The following SNX4 variants were observed in gnomAD, a reference collection of about 807,000 sequenced individuals.
SNX4 encodes the protein sorting nexin-4.
In SNX4, 49 loss-of-function variants were observed where a neutral mutation model predicts 70.8. The observed-to-expected ratio is 0.69, with a 90% CI of 0.55 to 0.88. SNX4 has a LOEUF of 0.88. Among genes scored for constraint, SNX4 ranks in the 40% least tolerant of loss-of-function variants. The pLI is 0.00. For synonymous variants in SNX4, 206 were observed against 183.8 expected (o/e 1.12, Z -0.98); for missense variants, 528 against 544.8 (o/e 0.97, Z 0.31).
At chr3:125,454,935 CT>C (rs919156127) in intron 11 of SNX4, among the ~76,000 whole-genome samples, 71 of 146,214 alleles carry the variant, frequency 4.9e-4, no homozygotes, top group Non-Finnish European at 5.3e-4. Context: ...AACTGAATTT[CT>C]TTTTTTTTTT....
intron 9 of SNX4, among the ~76,000 whole-genome samples, chr3:125,466,344 CAAA>C (rs75116020): frequency 1.9e-5 from 2 of 105,778 alleles, no homozygotes; most frequent in Non-Finnish European, 4.2e-5. Flanking sequence ...TAACTATTAA[CAAA>C]AAAAAAAAAA....
chr3:125,487,521 A>G (rs958601986), intron 6 of SNX4, among the ~76,000 whole-genome samples: 2 of 152,192 alleles, frequency 1.3e-5, no homozygotes, highest in African/African-American at 4.8e-5. Context: ...TCAAAATATC[A>G]ATCAAAAACG....
intron 10 of SNX4, 53 bp from the exon 11 acceptor site, chr3:125,457,418 A>AT: frequency 7.3e-7 from 1 of 1,366,336 alleles, no homozygotes; most frequent in Non-Finnish European, 1.0e-6. Context: ...CATGTCAAAC[A>AT]TTTTTTTCAA....
intron 6 of SNX4, among the ~76,000 whole-genome samples, chr3:125,486,803 A>C (rs1157457888): frequency 6.6e-6 from 1 of 152,164 alleles, no homozygotes; most frequent in Non-Finnish European, 1.5e-5. Flanking sequence ...ATGTAGTTCC[A>C]GCTATTCTAG....
At chr3:125,481,622 T>G (rs542905167) in intron 6 of SNX4, among the ~76,000 whole-genome samples, 153 of 152,258 alleles carry the variant, frequency 1.0e-3, no homozygotes, top group Non-Finnish European at 1.5e-3. Flanking sequence ...CTCTCTTTAG[T>G]AGAGACAGGG....
intron 8 of SNX4, among the ~76,000 whole-genome samples, chr3:125,473,846 C>G (rs1934233509): frequency 6.6e-6 from 1 of 152,190 alleles, no homozygotes; most frequent in Non-Finnish European, 1.5e-5. Flanking sequence ...CCTTGAGTCT[C>G]TTGTAGACTT....
intron 10 of SNX4, among the ~76,000 whole-genome samples, chr3:125,457,844 T>C (rs908409216): frequency 2.6e-5 from 4 of 152,128 alleles, no homozygotes; most frequent in Admixed American, 2.6e-4. Context: ...CCCAAAGTAC[T>C]GGGATTACAG....
intron 12 of SNX4, among the ~76,000 whole-genome samples, chr3:125,452,287 G>T (rs1333572079): frequency 1.3e-5 from 2 of 152,122 alleles, no homozygotes; most frequent in East Asian, 3.9e-4. Context: ...GTAGAGACAA[G>T]GTTTCACCAT....
chr3:125,483,816 T>A (rs562474619), intron 6 of SNX4, among the ~76,000 whole-genome samples: 3 of 152,172 alleles, frequency 2.0e-5, no homozygotes, highest in Admixed American at 2.0e-4. Flanking sequence ...TAGATAACAA[T>A]GTATGTTTAA....
At chr3:125,515,455 T>G (rs1181074288) in intron 1 of SNX4, among the ~76,000 whole-genome samples, 2 of 150,798 alleles carry the variant, frequency 1.3e-5, no homozygotes, top group Non-Finnish European at 3.0e-5. Context: ...GGAGCCCAGA[T>G]GTTTGAGACC....
At chr3:125,503,686 C>T (rs1934980204) in intron 2 of SNX4, among the ~76,000 whole-genome samples, 1 of 152,178 alleles carries the variant, frequency 6.6e-6, no homozygotes, top group Non-Finnish European at 1.5e-5. Context: ...TTCACTTCTA[C>T]ATGCCAGAGA....
chr3:125,464,564 CTTTTTTTTTTTTTTT>C lies in SNX4; in HGVS notation c.855-3719_855-3705del, dbSNP rs778518316. On this transcript the variant is annotated intron_variant, in intron 9 of 13. Coordinates refer to ENST00000251775, the MANE Select transcript of SNX4 (RefSeq NM_003794.4). ...CTGTTCCATTGATCTATTTATCTTTCTTTTTTTTTTTTTTTTTTTTTTTTTTGAGACACAGTCTCA... is the reference window on the plus strand; with the variant it reads ...CTGTTCCATTGATCTATTTATCTTTCTTTTTTTTTTTGAGACACAGTCTCA... Among the ~76,000 whole-genome samples, 4 of 67,054 alleles carry C rather than the reference CTTTTTTTTTTTTTTT, an allele frequency of 6.0e-5. 1 individual carries two copies. Among genetic ancestry groups the C allele is most frequent in the South Asian group, 1.2e-3 (2 of 1,638 alleles). 44.0% of individuals were successfully genotyped at this position (67,054 alleles called of 152,430 possible).
At chr3:125,514,542 C>T (rs1017201904) in intron 1 of SNX4, among the ~76,000 whole-genome samples, 2 of 152,110 alleles carry the variant, frequency 1.3e-5, no homozygotes, top group African/African-American at 4.8e-5. Flanking sequence ...CAGGCATGTG[C>T]CACCATGCCT....
At chr3:125,466,076 G>A (rs1302605716) in intron 9 of SNX4, among the ~76,000 whole-genome samples, 1 of 151,556 alleles carries the variant, frequency 6.6e-6, no homozygotes, top group Non-Finnish European at 1.5e-5. Context: ...AGTTTTCACT[G>A]TAGAGGTCTT....
chr3:125,472,450 T>C (rs769985073), intron 8 of SNX4, among the ~76,000 whole-genome samples: 2 of 151,894 alleles, frequency 1.3e-5, no homozygotes, highest in African/African-American at 4.8e-5. Flanking sequence ...ATCATGGATA[T>C]TGGAAGCCAT....
chr3:125,481,849 T>A (rs2107546588), intron 6 of SNX4, among the ~76,000 whole-genome samples: 1 of 152,292 alleles, frequency 6.6e-6, no homozygotes, highest in East Asian at 1.9e-4. Flanking sequence ...ATCCACAGGA[T>A]TCACATGCTG....
rs529731056 is a variant in SNX4, at chr3:125,488,367, C to T, written c.653+1041G>A. On this transcript the variant is annotated intron_variant, in intron 6 of 13. Coordinates refer to ENST00000251775, the MANE Select transcript of SNX4 (RefSeq NM_003794.4). ...GGGGGTGCCTATAATCCTAGCTACTCGGGAGGCGGAGGCAGGAGAATTGAT... is the reference window on the plus strand; with the variant it reads ...GGGGGTGCCTATAATCCTAGCTACTTGGGAGGCGGAGGCAGGAGAATTGAT... Among the ~76,000 whole-genome samples the T allele has an allele frequency of 2.6e-5, 4 of 151,490 alleles. No homozygotes were observed. In the East Asian group the frequency reaches 5.8e-4, roughly 22 times the overall value.
At chr3:125,488,195 G>A (rs1204642388) in intron 6 of SNX4, among the ~76,000 whole-genome samples, 1 of 125,220 alleles carries the variant, frequency 8.0e-6, no homozygotes, top group Admixed American at 8.2e-5. Flanking sequence ...AAAAAAAAAG[G>A]CCAGGCATGG....
intron 6 of SNX4, among the ~76,000 whole-genome samples, chr3:125,486,582 C>T (rs540853154): frequency 2.6e-5 from 4 of 152,184 alleles, no homozygotes; most frequent in African/African-American, 7.2e-5. Flanking sequence ...GCTGAGATAG[C>T]AGCACTGCAC....
Sources: gnomAD v4.1 joint callset for allele counts (sites outside exome capture counted in the v4.1 genomes callset) on GRCh38, gnomAD v4.1.1 for gene constraint, MANE v1.5 for transcripts, NCBI Gene and HGNC (gene_info 2026-07-23, HGNC 2026-07-21) for gene names.